Variants in PTPRG observed in about 807,000 individuals in gnomAD.
The protein encoded by PTPRG is protein tyrosine phosphatase receptor type G.
In PTPRG, 102 loss-of-function variants were observed where a neutral mutation model predicts 165.3. That is an observed-to-expected ratio of 0.62 (90% CI 0.53 to 0.73). PTPRG has a LOEUF of 0.73. Among genes scored for constraint, PTPRG ranks in the 30% least tolerant of loss-of-function variants. PTPRG has a pLI of 0.00. For missense variants in PTPRG, 1,866 were observed against 1,861.4 expected (o/e 1.00, Z -0.05); for synonymous variants, 675 against 669.5 (o/e 1.01, Z -0.13).
At chr3:62,239,674 T>C (rs1701115524) in intron 14 of PTPRG, among the ~76,000 whole-genome samples, 1 of 152,130 alleles carries the variant, frequency 6.6e-6, no homozygotes, top group Admixed American at 6.5e-5. Flanking sequence ...CTTTGAGAAA[T>C]TCTATCTCCA....
chr3:62,024,396 G>C (rs929674631), intron 4 of PTPRG, among the ~76,000 whole-genome samples: 11 of 122,320 alleles, frequency 9.0e-5, no homozygotes, highest in African/African-American at 3.0e-4. Flanking sequence ...TATTTTGTGA[G>C]ATTTTTGTTA....
At chr3:61,752,212 T>C (rs531026021) in intron 2 of PTPRG, among the ~76,000 whole-genome samples, 1 of 152,238 alleles carries the variant, frequency 6.6e-6, no homozygotes, top group South Asian at 2.1e-4. Context: ...GGGTGCTTAG[T>C]TGGGATTTGG....
At chr3:62,169,537 C>T (rs1468361460) in intron 8 of PTPRG, among the ~76,000 whole-genome samples, 1 of 152,104 alleles carries the variant, frequency 6.6e-6, no homozygotes, top group African/African-American at 2.4e-5. Context: ...ACTTCTGGTT[C>T]TACCCTCACA....
intron 5 of PTPRG, among the ~76,000 whole-genome samples, chr3:62,121,309 G>A (rs560890404): frequency 3.3e-5 from 5 of 151,992 alleles, no homozygotes; most frequent in East Asian, 1.9e-4. Flanking sequence ...AAATACTCAC[G>A]GATCTTGGAT....
intron 8 of PTPRG, among the ~76,000 whole-genome samples, chr3:62,184,429 G>C (rs1441049745): frequency 6.6e-6 from 1 of 152,158 alleles, no homozygotes; most frequent in Non-Finnish European, 1.5e-5. Flanking sequence ...TGTTTACCTA[G>C]ACCTCTTTCA....
At chr3:61,904,527 T>C (rs2038591909) in intron 2 of PTPRG, among the ~76,000 whole-genome samples, 1 of 152,136 alleles carries the variant, frequency 6.6e-6, no homozygotes, top group Non-Finnish European at 1.5e-5. Context: ...AGCATGCCTA[T>C]AGACTGCCAA....
intron 8 of PTPRG, among the ~76,000 whole-genome samples, chr3:62,183,053 C>T (rs1705723441): frequency 6.6e-6 from 1 of 152,204 alleles, no homozygotes; most frequent in African/African-American, 2.4e-5. Flanking sequence ...AAGCTTTATC[C>T]AAGGCCACAC....
intron 2 of PTPRG, among the ~76,000 whole-genome samples, chr3:61,753,341 A>AATGC (rs1422900717): frequency 6.6e-6 from 1 of 152,208 alleles, no homozygotes; most frequent in Non-Finnish European, 1.5e-5. Flanking sequence ...GTACTGAAAA[A>AATGC]ATGCAGTAGT....
Position 61,762,559 on chromosome 3 carries a change from C to T in PTPRG, c.190+13577C>T, listed in dbSNP as rs543780409. Among the ~76,000 whole-genome samples the T allele has an allele frequency of 2.0e-4, 31 of 152,204 alleles. No individual in the cohort carries two copies. In the South Asian group the frequency reaches 4.8e-3, roughly 23 times the overall value. ...CCAGGAGGTGGAGGTTGAAGTGAGCCGAGATCATGCCCCTGTACTCCAGCC... is the reference window on the plus strand; with the variant it reads ...CCAGGAGGTGGAGGTTGAAGTGAGCTGAGATCATGCCCCTGTACTCCAGCC... On this transcript the variant is annotated intron_variant, in intron 2 of 29. Transcript: ENST00000474889.
chr3:61,644,963 C>T (rs1702162182), intron 1 of PTPRG, among the ~76,000 whole-genome samples: 1 of 152,160 alleles, frequency 6.6e-6, no homozygotes. Context: ...ATTAGAGCTG[C>T]TTGGTTTGCT....
intron 1 of PTPRG, among the ~76,000 whole-genome samples, chr3:61,573,209 T>C (rs1700098921): frequency 6.6e-6 from 1 of 152,154 alleles, no homozygotes; most frequent in South Asian, 2.1e-4. Flanking sequence ...CTGGTTCTCT[T>C]GATCAGTTTC....
chr3:62,199,993 T>C (rs1700060016), intron 10 of PTPRG, among the ~76,000 whole-genome samples: 1 of 152,110 alleles, frequency 6.6e-6, no homozygotes, highest in South Asian at 2.1e-4. Flanking sequence ...GTAAAATAAG[T>C]GAGACACAAA....
intron 2 of PTPRG, among the ~76,000 whole-genome samples, chr3:61,881,684 A>G (rs1286938853): frequency 6.6e-6 from 1 of 152,162 alleles, no homozygotes; most frequent in Non-Finnish European, 1.5e-5. Flanking sequence ...ACATTTACAC[A>G]ACTTCCTTCC....
chr3:62,254,188 T>C lies in PTPRG; in HGVS notation c.2468-936T>C, dbSNP rs1701483272. ...TGCTAAGAAAAGCATCTGTGGCAGT[T>C]TAGATGTTTGTGCGTTTGCCAAAGA... On this transcript the variant is annotated intron_variant, in intron 15 of 29. Coordinates refer to ENST00000474889, the MANE Select transcript of PTPRG (RefSeq NM_002841.4). The surrounding 1 kb of genome is among the most constrained non-coding windows in gnomAD (Gnocchi z 4.6). 6.6e-6 allele frequency among the ~76,000 whole-genome samples: 1 copy of C among 152,200 alleles called. No individual in the cohort carries two copies. The highest frequency in any genetic ancestry group is 2.4e-5 in the African/African-American group (1 of 41,454).
At chr3:62,281,201 T>A (rs1177059977) in intron 26 of PTPRG, among the ~76,000 whole-genome samples, 2 of 152,074 alleles carry the variant, frequency 1.3e-5, no homozygotes, top group East Asian at 3.9e-4. Flanking sequence ...ATAATTAGCA[T>A]GTCTTGATTG....
At chr3:61,668,343 A>G (rs1702866243) in intron 1 of PTPRG, among the ~76,000 whole-genome samples, 2 of 152,250 alleles carry the variant, frequency 1.3e-5, no homozygotes, top group Admixed American at 1.3e-4. Context: ...AAAGGAACAG[A>G]TAAACATGTG....
chr3:61,759,145 G>A (rs1201355125), intron 2 of PTPRG, among the ~76,000 whole-genome samples: 1 of 152,036 alleles, frequency 6.6e-6, no homozygotes, highest in Non-Finnish European at 1.5e-5. Context: ...GCTACCTGAA[G>A]GGTGGTTATC....
At chr3:62,262,968 A>G (rs2148859672) in intron 17 of PTPRG, 74 bp downstream of exon 17, 1 of 1,017,116 alleles carries the variant, frequency 9.8e-7, no homozygotes, top group Non-Finnish European at 1.5e-6. Context: ...GCTGAAAGCC[A>G]AGCAGTCAGA....
intron 5 of PTPRG, among the ~76,000 whole-genome samples, chr3:62,097,736 T>C (rs1460098256): frequency 6.6e-6 from 1 of 152,204 alleles, no homozygotes; most frequent in Non-Finnish European, 1.5e-5. Context: ...TTCAGTCCTC[T>C]TCTTCTTTTC....
Sources: gnomAD v4.1 joint callset for allele counts (sites outside exome capture counted in the v4.1 genomes callset) on GRCh38, gnomAD v4.1.1 for gene constraint, Gnocchi (gnomAD v3.1) non-coding constraint, MANE v1.5 for transcripts, NCBI Gene and HGNC (gene_info 2026-07-23, HGNC 2026-07-21) for gene names.